The following PHACTR3 variants were observed in gnomAD, a reference collection of about 807,000 sequenced individuals.
The protein encoded by PHACTR3 is protein phosphatase 1, regulatory subunit 123.
In PHACTR3, 16 loss-of-function variants were observed where a neutral mutation model predicts 66.8. That is an observed-to-expected ratio of 0.24 (90% CI 0.16 to 0.36). The LOEUF (loss-of-function observed/expected upper bound fraction) is 0.36. PHACTR3 is among the 10% of genes least tolerant of loss of function. The pLI, the probability that PHACTR3 is intolerant of heterozygous loss-of-function variation, is 1.00. For synonymous variants in PHACTR3, 323 were observed against 292.1 expected, an observed-to-expected ratio of 1.11 and a Z score of -1.08; for missense variants, 647 against 719.9, an observed-to-expected ratio of 0.90 and a Z score of 1.16.
At chr20:59,691,591 C>T (rs1233918260) in intron 1 of PHACTR3, among the ~76,000 whole-genome samples, 2 of 152,050 alleles carry the variant, frequency 1.3e-5, no homozygotes, top group African/African-American at 4.8e-5. Flanking sequence ...AGTCCCTTTC[C>T]CTCATACCTT....
chr20:59,760,225 G>T (rs2039950593), intron 4 of PHACTR3, among the ~76,000 whole-genome samples: 1 of 152,214 alleles, frequency 6.6e-6, no homozygotes, highest in Non-Finnish European at 1.5e-5. Flanking sequence ...AATCTCTCAG[G>T]AGGAGGACAC....
chr20:59,740,472 A>AT (rs1016530117), intron 1 of PHACTR3, among the ~76,000 whole-genome samples: 1 of 151,330 alleles, frequency 6.6e-6, no homozygotes, highest in East Asian at 1.9e-4. Flanking sequence ...ATTTCCAAAA[A>AT]TTTTTTTGTA....
At chr20:59,708,542 C>G (rs745635637) in intron 1 of PHACTR3, among the ~76,000 whole-genome samples, 15 of 152,144 alleles carry the variant, frequency 9.9e-5, no homozygotes, top group African/African-American at 3.4e-4. Context: ...ATGTGTAATT[C>G]CCTCCCGCTG....
chr20:59,791,977 G>T (rs1047402298), intron 7 of PHACTR3, among the ~76,000 whole-genome samples: 1 of 152,132 alleles, frequency 6.6e-6, no homozygotes, highest in African/African-American at 2.4e-5. Context: ...TGGAGATTAG[G>T]TATCAGGGAG....
At chr20:59,790,159 C>T (rs576355483) in intron 7 of PHACTR3, among the ~76,000 whole-genome samples, 12 of 152,142 alleles carry the variant, frequency 7.9e-5, no homozygotes, top group Middle Eastern at 3.4e-3. Flanking sequence ...GGTACATGTG[C>T]AGGTTTGTTA....
chr20:59,680,870 A>T (rs1022044679), intron 1 of PHACTR3, among the ~76,000 whole-genome samples: 4 of 152,126 alleles, frequency 2.6e-5, no homozygotes, highest in Non-Finnish European at 5.9e-5. Flanking sequence ...ATAGGAACAG[A>T]TCTCTGGGTG....
intron 1 of PHACTR3, among the ~76,000 whole-genome samples, chr20:59,598,594 G>A (rs2033390475): frequency 6.6e-6 from 1 of 152,196 alleles, no homozygotes; most frequent in Non-Finnish European, 1.5e-5. Context: ...GCCATGAATG[G>A]TGAAATCAGG....
At chr20:59,639,207 G>T (rs1384449201) in intron 1 of PHACTR3, among the ~76,000 whole-genome samples, 1 of 152,114 alleles carries the variant, frequency 6.6e-6, no homozygotes, top group Admixed American at 6.5e-5. Flanking sequence ...CAGGCAGCTG[G>T]AAGGACAGTG....
Position 59,829,377 on chromosome 20 carries a change from A to C in PHACTR3, c.1329-7128A>C, listed in dbSNP as rs962520781. On this transcript the variant is annotated intron_variant, in intron 8 of 12. Transcript: ENST00000371015. This position sits in a 1 kb window ranked among gnomAD's most constrained non-coding sequence, Gnocchi z 4.2. Reference sequence around the variant, plus strand: ...GGTCTTTCCCTGGGCGGTTTCTTTCATCATCCAGGCCTCATCTTATGGCCT... The same window carrying C: ...GGTCTTTCCCTGGGCGGTTTCTTTCCTCATCCAGGCCTCATCTTATGGCCT... Among the ~76,000 whole-genome samples, 6 of 152,076 alleles carry C rather than the reference A, an allele frequency of 3.9e-5. No individual in the cohort carries two copies. Among genetic ancestry groups the C allele is most frequent in the Admixed American group, 3.3e-4 (5 of 15,264 alleles).
intron 1 of PHACTR3, among the ~76,000 whole-genome samples, chr20:59,720,578 G>T (rs2038255805): frequency 6.6e-6 from 1 of 152,164 alleles, no homozygotes; most frequent in African/African-American, 2.4e-5. Flanking sequence ...GCAGCCCGAG[G>T]CCTCCTGCCA....
chr20:59,601,679 C>G (rs527591766), upstream of PHACTR3, among the ~76,000 whole-genome samples: 2 of 152,226 alleles, frequency 1.3e-5, no homozygotes, highest in African/African-American at 4.8e-5. Context: ...ACCTTATTAT[C>G]TTCTATTGGT....
intron 7 of PHACTR3, 123 bp from the exon 8 acceptor site, chr20:59,805,917 CA>C (rs781384171): frequency 4.8e-6 from 5 of 1,041,148 alleles, no homozygotes; most frequent in Non-Finnish European, 7.1e-6. Flanking sequence ...CAGTTCTAGC[CA>C]CCATCACCCT....
intron 8 of PHACTR3, among the ~76,000 whole-genome samples, chr20:59,809,189 G>A (rs2041660761): frequency 6.6e-6 from 1 of 152,132 alleles, no homozygotes; most frequent in Admixed American, 6.5e-5. Flanking sequence ...CACGGTGGAG[G>A]GCCGTGAACG....
chr20:59,733,609 G>A (rs1157880098), intron 1 of PHACTR3, among the ~76,000 whole-genome samples: 3 of 152,150 alleles, frequency 2.0e-5, no homozygotes, highest in African/African-American at 2.4e-5. Context: ...GGAGAGGGGC[G>A]GAGTTGTCAA....
chr20:59,801,311 A>G (rs2041408021), intron 7 of PHACTR3, among the ~76,000 whole-genome samples: 1 of 152,166 alleles, frequency 6.6e-6, no homozygotes, highest in African/African-American at 2.4e-5. Flanking sequence ...TCATTTTTCA[A>G]GAATCACTGT....
chr20:59,813,950 C>G (rs2041813758), intron 8 of PHACTR3, among the ~76,000 whole-genome samples: 2 of 152,264 alleles, frequency 1.3e-5, no homozygotes, highest in South Asian at 4.1e-4. Context: ...GCCACTTCCA[C>G]AGCTGCTGAA....
At position 59,704,043 on chromosome 20, in the gene PHACTR3, A is replaced by G. The variant is rs140059728; in HGVS notation, c.119-39064A>G. Among the ~76,000 whole-genome samples, 513 of 152,284 alleles carry G rather than the reference A, an allele frequency of 3.4e-3. 8 individuals carry two copies. Among genetic ancestry groups the G allele is most frequent in the Admixed American group, 8.5e-3 (130 of 15,298 alleles). On this transcript the variant is annotated intron_variant, in intron 1 of 12. Coordinates refer to ENST00000371015, the MANE Select transcript of PHACTR3 (RefSeq NM_080672.5). ...AAACCATCTTCATTCATTTCTTTACAAAAAATCTTTAGCAGTGAAATTCTT... is the reference window on the plus strand; with the variant it reads ...AAACCATCTTCATTCATTTCTTTACGAAAAATCTTTAGCAGTGAAATTCTT...
chr20:59,821,980 G>GATCCTACCCCTTCCCCAGCA (rs2042043822), intron 8 of PHACTR3, among the ~76,000 whole-genome samples: 2 of 58,166 alleles, frequency 3.4e-5, no homozygotes, highest in African/African-American at 1.7e-4. Context: ...TTTCTGCAGC[G>GATCCTACCCCTTCCCCAGCA]ATCCCACCCC....
At chr20:59,806,690 G>A (rs7509236) in intron 8 of PHACTR3, among the ~76,000 whole-genome samples, 27,016 of 152,186 alleles carry the variant, frequency 0.18, 2,943 homozygotes, top group Non-Finnish European at 0.25. Context: ...ATGCAGTCAC[G>A]TGTCACTTAA....
Sources: allele counts gnomAD v4.1 joint callset (sites outside exome capture counted in the v4.1 genomes callset), GRCh38; gene constraint gnomAD v4.1.1; non-coding constraint Gnocchi (gnomAD v3.1); transcripts MANE v1.5; gene names NCBI Gene and HGNC (gene_info 2026-07-23, HGNC 2026-07-21).